The following EBF1 variants were observed in gnomAD, a reference collection of about 807,000 sequenced individuals.
The protein encoded by EBF1 is EBF transcription factor 1.
A neutral mutation model predicts 68.4 loss-of-function variants in EBF1; 10 were observed. The ratio of observed to expected loss-of-function variants is 0.15; its 90% CI spans 0.09 to 0.25. EBF1 has a LOEUF of 0.25. Among genes scored for constraint, EBF1 ranks in the 10% least tolerant of loss-of-function variants. The pLI is 1.00. For missense variants in EBF1, 509 were observed against 794.4 expected (o/e 0.64, Z 4.32); for synonymous variants, 298 against 299.8 (o/e 0.99, Z 0.06).
chr5:158,990,341 T>G (rs1337971898), intron 6 of EBF1, among the ~76,000 whole-genome samples: 1 of 152,174 alleles, frequency 6.6e-6, no homozygotes, highest in Non-Finnish European at 1.5e-5. Context: ...GCTTCTTCAC[T>G]GGAGAAAGGC....
At chr5:158,873,237 A>G (rs1346225743) in intron 6 of EBF1, among the ~76,000 whole-genome samples, 1 of 152,130 alleles carries the variant, frequency 6.6e-6, no homozygotes, top group Non-Finnish European at 1.5e-5. Flanking sequence ...TTTACTGTCT[A>G]AAGACAAAGA....
intron 6 of EBF1, among the ~76,000 whole-genome samples, chr5:159,057,489 G>T (rs1011076101): frequency 6.6e-6 from 1 of 152,152 alleles, no homozygotes; most frequent in Non-Finnish European, 1.5e-5. Flanking sequence ...GGACTTAGGG[G>T]CTTCCTTGGA....
chr5:159,094,940 GTA>G (rs1782320533), intron 4 of EBF1, among the ~76,000 whole-genome samples: 1 of 152,138 alleles, frequency 6.6e-6, no homozygotes, highest in African/African-American at 2.4e-5. Context: ...CAACCTTAAT[GTA>G]TACTGCTTGA....
At chr5:158,704,854 G>A (rs947923563) in intron 15 of EBF1, among the ~76,000 whole-genome samples, 2 of 152,200 alleles carry the variant, frequency 1.3e-5, no homozygotes, top group Non-Finnish European at 2.9e-5. Context: ...ACCTGGGGGT[G>A]CAGTGGGCAG....
intron 6 of EBF1, among the ~76,000 whole-genome samples, chr5:159,004,049 G>A (rs911237745): frequency 6.6e-6 from 1 of 152,166 alleles, no homozygotes; most frequent in African/African-American, 2.4e-5. Context: ...GGCCAAGGTG[G>A]GCGGATCACT....
At chr5:158,804,509 G>A (rs906773524) in intron 8 of EBF1, among the ~76,000 whole-genome samples, 2 of 152,040 alleles carry the variant, frequency 1.3e-5, no homozygotes, top group African/African-American at 2.4e-5. Flanking sequence ...TTTGTCTGTC[G>A]GAGATCTGGA....
chr5:159,011,095 C>T (rs1371089700), intron 6 of EBF1, among the ~76,000 whole-genome samples: 2 of 152,194 alleles, frequency 1.3e-5, no homozygotes, highest in African/African-American at 4.8e-5. Flanking sequence ...ATCAGGGTCA[C>T]CGTATCTGGA....
chr5:158,922,416 G>A (rs1219933528), intron 6 of EBF1, among the ~76,000 whole-genome samples: 2 of 152,212 alleles, frequency 1.3e-5, no homozygotes, highest in Non-Finnish European at 2.9e-5. Context: ...TCAAAAGGGT[G>A]TAGGAAAACA....
intron 6 of EBF1, chr5:158,941,346 C>T (rs1402324292): frequency 2.3e-6 from 1 of 439,982 alleles, no homozygotes; most frequent in African/African-American, 2.0e-5. Context: ...CCCAGCTTTT[C>T]AGAGGCAAAG....
chr5:158,815,091 G>A (rs1229767931), intron 8 of EBF1, among the ~76,000 whole-genome samples: 2 of 152,146 alleles, frequency 1.3e-5, no homozygotes, highest in Admixed American at 1.3e-4. Flanking sequence ...ATGTAACAGA[G>A]CAGTAGATTA....
chr5:158,793,696 T>C (rs1779107967), intron 9 of EBF1, among the ~76,000 whole-genome samples: 1 of 152,082 alleles, frequency 6.6e-6, no homozygotes, highest in Admixed American at 6.6e-5. Context: ...ATAACAGGAG[T>C]ATTGCATACA....
chr5:158,914,689 C>T (rs1319835386), intron 6 of EBF1, among the ~76,000 whole-genome samples: 13 of 151,748 alleles, frequency 8.6e-5, no homozygotes, highest in Middle Eastern at 3.4e-3. Flanking sequence ...GTGTGTGGGG[C>T]GGTAGGAGGT....
At chr5:158,712,077 C>T in intron 14 of EBF1, 77 bp downstream of exon 14, 2 of 1,547,186 alleles carry the variant, frequency 1.3e-6, no homozygotes, top group South Asian at 2.4e-5. Flanking sequence ...AGAAGCCCTG[C>T]CCACTGGGCC....
chr5:158,908,398 T>A (rs567571113), intron 6 of EBF1, among the ~76,000 whole-genome samples: 2 of 152,204 alleles, frequency 1.3e-5, no homozygotes, highest in Non-Finnish European at 2.9e-5. Flanking sequence ...GGGGTGTCAA[T>A]AAGTTGTTAT....
intron 6 of EBF1, among the ~76,000 whole-genome samples, chr5:158,843,101 T>C (rs936549553): frequency 6.6e-6 from 1 of 152,146 alleles, no homozygotes; most frequent in Admixed American, 6.5e-5. Context: ...AACAGCAACA[T>C]GAACATTATG....
intron 14 of EBF1, among the ~76,000 whole-genome samples, chr5:158,709,598 AG>A (rs1445968449): frequency 6.6e-6 from 1 of 152,250 alleles, no homozygotes; most frequent in Non-Finnish European, 1.5e-5. Flanking sequence ...AATTGCCATC[AG>A]GGGAAAATGA....
chr5:158,814,807 C>T (rs1783396972), intron 8 of EBF1, among the ~76,000 whole-genome samples: 1 of 152,054 alleles, frequency 6.6e-6, no homozygotes, highest in Admixed American at 6.6e-5. Flanking sequence ...TCTTGCCAGC[C>T]CCACAGAAAA....
rs1162994407 is a variant in EBF1, at chr5:158,857,592, C to CA, written c.555-17483dup. Among the ~76,000 whole-genome samples, 226 of 150,298 alleles carry CA rather than the reference C, an allele frequency of 1.5e-3. 1 individual carries two copies. Among genetic ancestry groups the CA allele is most frequent in the African/African-American group, 4.5e-3 (186 of 40,984 alleles). On this transcript the variant is annotated intron_variant, in intron 6 of 15. Coordinates refer to ENST00000313708, the MANE Select transcript of EBF1 (RefSeq NM_024007.5). ...CACATTTCTTCCCTCAAGAACTAAG[C>CA]AAAAAAAAAGTAAGTGTAAGTGCTT...
At chr5:158,844,968 G>A (rs992404517) in intron 6 of EBF1, among the ~76,000 whole-genome samples, 5 of 152,048 alleles carry the variant, frequency 3.3e-5, no homozygotes, top group South Asian at 2.1e-4. Flanking sequence ...TGACCAGCAC[G>A]GTACTCAAGA....
Sources: allele counts gnomAD v4.1 joint callset (sites outside exome capture counted in the v4.1 genomes callset), GRCh38; gene constraint gnomAD v4.1.1; transcripts MANE v1.5; gene names NCBI Gene and HGNC (gene_info 2026-07-23, HGNC 2026-07-21).